USP6NL: variants seen among roughly 807,000 people sequenced by gnomAD.
USP6NL encodes the protein USP6 N-terminal-like protein.
In USP6NL, 26 loss-of-function variants were observed where a neutral mutation model predicts 61.9. That is an observed-to-expected ratio of 0.42 (90% CI 0.31 to 0.58). The LOEUF is 0.58. Among genes scored for constraint, USP6NL ranks in the 20% least tolerant of loss-of-function variants. USP6NL has a pLI of 0.16. For synonymous variants in USP6NL, 432 were observed against 390.1 expected (o/e 1.11, Z -1.27); for missense variants, 1,114 against 1,034.3 (o/e 1.08, Z -1.06).
At chr10:11,509,501 A>ATG (rs1448585446) in intron 6 of USP6NL, 94 bp downstream of exon 6, 1 of 1,209,584 alleles carries the variant, frequency 8.3e-7, no homozygotes, top group Admixed American at 2.8e-5. Flanking sequence ...CCAAATATGA[A>ATG]TGTAACACTC....
At position 11,478,020 on chromosome 10, in the gene USP6NL, C is replaced by T. The variant is rs1365661013; in HGVS notation, c.1078+3750G>A. Among the ~76,000 whole-genome samples, 2 of 152,128 alleles carry T rather than the reference C, an allele frequency of 1.3e-5. No individual in the cohort carries two copies. The highest frequency in any genetic ancestry group is 2.9e-5 in the Non-Finnish European group (2 of 68,026). ...ATTTGTTGAAGATAAGATTTTGTAT[C>T]TTAAATCTTAGAAAACCTAAGATAA... is the stretch of plus-strand genomic sequence containing the variant. On this transcript the variant is annotated intron_variant, in intron 14 of 14. Coordinates refer to ENST00000609104, the MANE Select transcript of USP6NL (RefSeq NM_014688.5). This position sits in a 1 kb window ranked among gnomAD's most constrained non-coding sequence, Gnocchi z 6.8.
rs1375161830 is a variant in USP6NL, at chr10:11,528,160, C to T, written c.5-593G>A. Among the ~76,000 whole-genome samples, 1 of 151,454 alleles carries T rather than the reference C, an allele frequency of 6.6e-6. No individual in the cohort carries two copies. Among genetic ancestry groups the T allele is most frequent in the South Asian group, 2.1e-4 (1 of 4,776 alleles). On this transcript the variant is annotated intron_variant, in intron 2 of 14. Coordinates refer to ENST00000609104, the MANE Select transcript of USP6NL (RefSeq NM_014688.5). This position sits in a 1 kb window ranked among gnomAD's most constrained non-coding sequence, Gnocchi z 4.6. ...ACACACACACACACACACACACACA[C>T]CCTTCATCCTTATTAACATTAGGAG...
At chr10:11,508,940 T>C (rs894262270) in intron 6 of USP6NL, among the ~76,000 whole-genome samples, 7 of 152,214 alleles carry the variant, frequency 4.6e-5, no homozygotes, top group African/African-American at 1.7e-4. Flanking sequence ...CTGATGATAT[T>C]TGACCTTTCA....
rs1388540175 is a variant in USP6NL at position 11,591,468 on chromosome 10, G to A, written c.4+6163C>T. On this transcript the variant is annotated intron_variant, in intron 2 of 14. Coordinates refer to ENST00000609104, the MANE Select transcript of USP6NL (RefSeq NM_014688.5). The surrounding 1 kb of genome is among the most constrained non-coding windows in gnomAD (Gnocchi z 4.7). ...GTAGGTATATAATTTGAAATTTTAA[G>A]ATTTAACTAGTAAAAATAATTCAGA... Among the ~76,000 whole-genome samples, 1 of 152,028 alleles carries A rather than the reference G, an allele frequency of 6.6e-6. No individual in the cohort carries two copies. Among genetic ancestry groups the A allele is most frequent in the East Asian group, 1.9e-4 (1 of 5,196 alleles).
chr10:11,471,067 C>A (rs1334492351), intron 14 of USP6NL, among the ~76,000 whole-genome samples: 2 of 152,190 alleles, frequency 1.3e-5, no homozygotes, highest in African/African-American at 4.8e-5. Context: ...CACCTGTAGT[C>A]CCAGCTACTT....
At chr10:11,578,457 C>A (rs1837629770) in intron 2 of USP6NL, among the ~76,000 whole-genome samples, 1 of 152,212 alleles carries the variant, frequency 6.6e-6, no homozygotes, top group Admixed American at 6.5e-5. Context: ...TAAGATGATG[C>A]TTGCTTTAAG....
intron 2 of USP6NL, among the ~76,000 whole-genome samples, chr10:11,560,494 T>C (rs1836882157): frequency 6.6e-6 from 1 of 151,924 alleles, no homozygotes; most frequent in African/African-American, 2.4e-5. Flanking sequence ...GATTTTTTTT[T>C]CTTATATAAC....
At position 11,491,429 on chromosome 10, in the gene USP6NL, T is replaced by C. The variant is rs1050842176; in HGVS notation, c.495-549A>G. 6.6e-6 allele frequency among the ~76,000 whole-genome samples: 1 copy of C among 152,204 alleles called. No individual in the cohort carries two copies. Among genetic ancestry groups the C allele is most frequent in the African/African-American group, 2.4e-5 (1 of 41,460 alleles). Reference sequence around the variant, plus strand: ...TAGCAAAGCGTTTGCTTCTTGGCCCTGCAAGCTTGGGTTCTGCTGGTCGAG... The same window carrying C: ...TAGCAAAGCGTTTGCTTCTTGGCCCCGCAAGCTTGGGTTCTGCTGGTCGAG... On this transcript the variant is annotated intron_variant, in intron 8 of 14. Transcript: ENST00000609104. This position sits in a 1 kb window ranked among gnomAD's most constrained non-coding sequence, Gnocchi z 4.7.
In USP6NL at chr10:11,462,535, C is replaced by T. The variant is rs1165020579; in HGVS notation, c.2393G>A (p.Ser798Asn). The change falls in exon 15 of 15, where the codon AGT (serine) becomes AAT (asparagine). Residue 798 changes from serine to asparagine, a missense_variant. Coordinates refer to ENST00000609104, the MANE Select transcript of USP6NL (RefSeq NM_014688.5). ...YKASPAAEDA[S>N]PSGYPYSGPP... ...CCCTGAATATGGATATCCAGATGGA[C>T]TGGCATCTTCTGCGGCCGGTGAAGC... 6.2e-7 allele frequency: 1 copy of T among 1,614,006 alleles called. No homozygotes were observed. The highest frequency in any genetic ancestry group is 2.2e-5 in the East Asian group (1 of 44,884).
At chr10:11,538,908 CTCT>C (rs36113436) in intron 2 of USP6NL, among the ~76,000 whole-genome samples, 17,181 of 152,170 alleles carry the variant, frequency 0.11, 1,272 homozygotes, top group East Asian at 0.16. Flanking sequence ...CTTCACTCTG[CTCT>C]TCATCTCTCC....
intron 2 of USP6NL, among the ~76,000 whole-genome samples, chr10:11,550,990 T>C (rs780961285): frequency 1.3e-5 from 2 of 152,122 alleles, no homozygotes; most frequent in Non-Finnish European, 2.9e-5. Context: ...CAAGTGCTGC[T>C]AAGGATATGG....
In USP6NL at chr10:11,575,081, C is replaced by T. The variant is rs1837493835; in HGVS notation, c.4+22550G>A. On this transcript the variant is annotated intron_variant, in intron 2 of 14. Coordinates refer to ENST00000609104, the MANE Select transcript of USP6NL (RefSeq NM_014688.5). This position sits in a 1 kb window ranked among gnomAD's most constrained non-coding sequence, Gnocchi z 4.2. The stretch of plus-strand genomic sequence containing the variant: ...CTTGGAAAGAGAGGACAAAAGAGGA[C>T]CACTCTCCTAATTCCCTATTATCTT... Among the ~76,000 whole-genome samples the T allele has an allele frequency of 6.6e-6, 1 of 152,144 alleles. No homozygotes were observed. The highest frequency in any genetic ancestry group is 2.4e-5 in the African/African-American group (1 of 41,420).
chr10:11,511,768 T>G lies in USP6NL; in HGVS notation c.196-2093A>C, dbSNP rs974357912. Among the ~76,000 whole-genome samples, 3 of 151,726 alleles carry G rather than the reference T, an allele frequency of 2.0e-5. No individual in the cohort carries two copies. The East Asian group carries it at 5.8e-4, about 29-fold the overall frequency. On this transcript the variant is annotated intron_variant, in intron 5 of 14. Transcript: ENST00000609104. This position sits in a 1 kb window ranked among gnomAD's most constrained non-coding sequence, Gnocchi z 4.9. ...ACACACATACACATACAAAAAAAATTAAGGATCATTAAGTATGCTTTTCCC... is the reference window on the plus strand; with the variant it reads ...ACACACATACACATACAAAAAAAATGAAGGATCATTAAGTATGCTTTTCCC...
chr10:11,535,469 C>A (rs1297527365), intron 2 of USP6NL, among the ~76,000 whole-genome samples: 2 of 152,048 alleles, frequency 1.3e-5, no homozygotes, highest in African/African-American at 2.4e-5. Context: ...CAAAGGCAAG[C>A]TGAAAAAATG....
Position 11,499,769 on chromosome 10 carries a change from AT to A in USP6NL, c.384+1331del, listed in dbSNP as rs1834096351. Among the ~76,000 whole-genome samples the A allele has an allele frequency of 6.6e-6, 1 of 152,188 alleles. No homozygotes were observed. Among genetic ancestry groups the A allele is most frequent in the African/African-American group, 2.4e-5 (1 of 41,434 alleles). On this transcript the variant is annotated intron_variant, in intron 7 of 14. Coordinates refer to ENST00000609104, the MANE Select transcript of USP6NL (RefSeq NM_014688.5). The surrounding 1 kb of genome is among the most constrained non-coding windows in gnomAD (Gnocchi z 4.5). Reference sequence around the variant, plus strand: ...AAAGTGTTGTCCTGCTGACACCTTAATTTTGGACTTCTGTCCTCAAGAACTG... The same window carrying A: ...AAAGTGTTGTCCTGCTGACACCTTAATTTGGACTTCTGTCCTCAAGAACTG...
chr10:11,607,073 G>A (rs1838730217), intron 1 of USP6NL, among the ~76,000 whole-genome samples: 1 of 152,138 alleles, frequency 6.6e-6, no homozygotes, highest in African/African-American at 2.4e-5. Flanking sequence ...ATAGGAGTGA[G>A]CTATCACACC....
chr10:11,528,116 GACACACACACAGAC>G lies in USP6NL; in HGVS notation c.5-563_5-550del. Among the ~76,000 whole-genome samples the G allele has an allele frequency of 7.4e-6, 1 of 135,518 alleles. No individual in the cohort carries two copies. The highest frequency in any genetic ancestry group is 2.1e-4 in the East Asian group (1 of 4,736). 88.9% of individuals were successfully genotyped at this position (135,518 alleles called of 152,430 possible). ...CAGTTTTATCATACATATGTGTGTG[GACACACACACAGAC>G]ACACACACACACACACACACACACA... On this transcript the variant is annotated intron_variant, in intron 2 of 14. Transcript: ENST00000609104. This position sits in a 1 kb window ranked among gnomAD's most constrained non-coding sequence, Gnocchi z 4.6.
intron 5 of USP6NL, 51 bp from the exon 6 acceptor site, chr10:11,509,726 G>T: frequency 7.0e-7 from 1 of 1,437,882 alleles, no homozygotes; most frequent in Non-Finnish European, 9.4e-7. Flanking sequence ...CTTTACTTAT[G>T]AGTTATAAAA....
At chr10:11,502,122 G>A (rs1231745504) in intron 6 of USP6NL, among the ~76,000 whole-genome samples, 1 of 152,068 alleles carries the variant, frequency 6.6e-6, no homozygotes, top group Non-Finnish European at 1.5e-5. Flanking sequence ...AGCCGGGCAT[G>A]GTGGTGGGTG....
Sources: allele counts gnomAD v4.1 joint callset (sites outside exome capture counted in the v4.1 genomes callset), GRCh38; gene constraint gnomAD v4.1.1; non-coding constraint Gnocchi (gnomAD v3.1); transcripts MANE v1.5; gene names NCBI Gene and HGNC (gene_info 2026-07-23, HGNC 2026-07-21).